Variants in NOX4 observed in about 807,000 individuals in gnomAD.
NOX4 encodes the protein kidney oxidase-1.
Under a neutral mutation model 87.6 loss-of-function variants are expected in NOX4, and 69 were observed. The observed-to-expected ratio is 0.79, with a 90% CI of 0.65 to 0.96. NOX4 has a LOEUF of 0.96. Among genes scored for constraint, NOX4 ranks in the 40% least tolerant of loss-of-function variants. The probability of loss-of-function intolerance (pLI) is 0.00; values close to 1 mark genes in which losing one functional copy is unlikely to be tolerated. For missense variants in NOX4, 680 were observed against 681.5 expected, an observed-to-expected ratio of 1.00 and a Z score of 0.02; for synonymous variants, 275 against 238.2, an observed-to-expected ratio of 1.15 and a Z score of -1.42.
intron 4 of NOX4, among the ~76,000 whole-genome samples, chr11:89,445,062 T>C (rs1362353610): frequency 6.6e-6 from 1 of 152,166 alleles, no homozygotes; most frequent in Non-Finnish European, 1.5e-5. Context: ...CACATTTTAA[T>C]GTATTGAAAA....
the NOX4 span, among the ~76,000 whole-genome samples, chr11:89,528,631 T>C: frequency 6.6e-6 from 1 of 152,196 alleles, no homozygotes; most frequent in Non-Finnish European, 1.5e-5. Context: ...CAGCACTTCT[T>C]CTTGCTGCCT....
chr11:89,351,346 A>G (rs1160167817), intron 13 of NOX4, among the ~76,000 whole-genome samples: 3 of 152,260 alleles, frequency 2.0e-5, no homozygotes, highest in Non-Finnish European at 2.9e-5. Flanking sequence ...AGCCATCTCT[A>G]TAATATAAAA....
Position 89,469,221 on chromosome 11 carries a change from G to T in NOX4, c.154-17326C>A, listed in dbSNP as rs541004318. Reference sequence around the variant, plus strand: ...TCAACAAATTAAGGGAACATAAGATGATATTCTACATGTAAATATGTACAC... The same window carrying T: ...TCAACAAATTAAGGGAACATAAGATTATATTCTACATGTAAATATGTACAC... On this transcript the variant is annotated intron_variant, in intron 2 of 17. Coordinates refer to ENST00000263317, the MANE Select transcript of NOX4 (RefSeq NM_016931.5). 2.0e-5 allele frequency among the ~76,000 whole-genome samples: 3 copies of T among 152,190 alleles called. No individual in the cohort carries two copies. The South Asian group carries it at 6.2e-4, about 32-fold the overall frequency.
At chr11:89,578,778 A>G in the NOX4 span, among the ~76,000 whole-genome samples, 1 of 152,238 alleles carries the variant, frequency 6.6e-6, no homozygotes, top group Non-Finnish European at 1.5e-5. Flanking sequence ...GGTACAATCT[A>G]GCAATTGTAT....
intron 2 of NOX4, among the ~76,000 whole-genome samples, chr11:89,454,538 T>G (rs939675470): frequency 1.3e-5 from 2 of 152,158 alleles, no homozygotes; most frequent in Non-Finnish European, 2.9e-5. Context: ...CCAACTGTAC[T>G]GTTTACAAGT....
intron 2 of NOX4, among the ~76,000 whole-genome samples, chr11:89,461,647 A>AAAATAAATAAATAAATTAAT (rs1555041614): frequency 2.1e-5 from 3 of 145,634 alleles, no homozygotes; most frequent in African/African-American, 7.7e-5. Context: ...TCCATCTCAA[A>AAAATAAATAAATAAATTAAT]AAATAAATAA....
chr11:89,514,245 GT>G, the NOX4 span, among the ~76,000 whole-genome samples: 2 of 151,780 alleles, frequency 1.3e-5, no homozygotes, highest in Non-Finnish European at 2.9e-5. Flanking sequence ...TTCTAAAGTA[GT>G]TTTTTCTTTT....
chr11:89,504,844 A>G, the NOX4 span, among the ~76,000 whole-genome samples: 1 of 151,936 alleles, frequency 6.6e-6, no homozygotes, highest in Non-Finnish European at 1.5e-5. Flanking sequence ...GATCTTCTTG[A>G]TACTGTGCCA....
chr11:89,340,775 T>C (rs1166425375), intron 14 of NOX4, among the ~76,000 whole-genome samples: 1 of 152,144 alleles, frequency 6.6e-6, no homozygotes, highest in East Asian at 1.9e-4. Flanking sequence ...GTTAAGAAAA[T>C]TTTCTTCCTT....
Position 89,325,902 on chromosome 11 carries a change from T to C in NOX4, c.*854A>G, listed in dbSNP as rs944974472. The C allele has an allele frequency of 1.5e-5, 2 of 136,328 alleles. No homozygotes were observed. The highest frequency in any genetic ancestry group is 7.3e-5 in the Admixed American group (1 of 13,762). 8.4% of individuals were successfully genotyped at this position (136,328 alleles called of 1,614,324 possible). A position where few individuals can be genotyped will look rare whatever the true frequency, so the allele number is the denominator to read the frequency against. On this transcript the variant is annotated 3_prime_UTR_variant, in exon 18 of 18. Coordinates refer to ENST00000263317, the MANE Select transcript of NOX4 (RefSeq NM_016931.5). ...GTATATGTGTATATATATATATATA[T>C]ATATATATGTGTGTGTGTGTGTATA... is the stretch of plus-strand genomic sequence containing the variant.
chr11:89,552,545 A>C, the NOX4 span, among the ~76,000 whole-genome samples: 1 of 152,286 alleles, frequency 6.6e-6, no homozygotes, highest in Non-Finnish European at 1.5e-5. Context: ...CCCCTAGGTA[A>C]GTTACCATCT....
rs1295907032 is a variant in NOX4 at position 89,326,238 on chromosome 11, C to T, written c.*518G>A. The stretch of plus-strand genomic sequence containing the variant: ...CGATTAGATATTGACACAAAGTACC[C>T]GTATCAATACAGAGTCTTGTGCTGT... On this transcript the variant is annotated 3_prime_UTR_variant, in exon 18 of 18. Transcript: ENST00000263317. 2.0e-5 allele frequency: 3 copies of T among 151,996 alleles called. No homozygotes were observed. The highest frequency in any genetic ancestry group is 2.9e-5 in the Non-Finnish European group (2 of 67,990). The allele number at this position is 151,996 out of a possible 1,614,324, so 9.4% of individuals were successfully genotyped here.
At chr11:89,452,851 A>G (rs1365058342) in intron 2 of NOX4, among the ~76,000 whole-genome samples, 1 of 151,920 alleles carries the variant, frequency 6.6e-6, no homozygotes, top group Admixed American at 6.6e-5. Flanking sequence ...AGTAGCTAGG[A>G]CTACAGATGC....
the NOX4 span, among the ~76,000 whole-genome samples, chr11:89,573,877 C>T: frequency 1.2e-4 from 18 of 152,166 alleles, no homozygotes; most frequent in East Asian, 1.2e-3. Flanking sequence ...GCCCTCTTTA[C>T]GCTTGGGAAG....
At chr11:89,513,111 A>C in the NOX4 span, among the ~76,000 whole-genome samples, 3 of 152,072 alleles carry the variant, frequency 2.0e-5, no homozygotes, top group Admixed American at 6.6e-5. Flanking sequence ...ACCAGAAGTC[A>C]GGAGTTCCAG....
At chr11:89,385,683 A>G (rs2135113441) in intron 11 of NOX4, among the ~76,000 whole-genome samples, 1 of 152,070 alleles carries the variant, frequency 6.6e-6, no homozygotes, top group African/African-American at 2.4e-5. Context: ...CTCCTCAGGG[A>G]TTTTTCAGGC....
the NOX4 span, among the ~76,000 whole-genome samples, chr11:89,553,318 A>G: frequency 6.6e-6 from 1 of 152,106 alleles, no homozygotes; most frequent in Non-Finnish European, 1.5e-5. Context: ...GATTTCTCAC[A>G]GGATCTGGTT....
chr11:89,360,502 A>C (rs1938437874), intron 12 of NOX4, among the ~76,000 whole-genome samples: 1 of 152,122 alleles, frequency 6.6e-6, no homozygotes, highest in Admixed American at 6.6e-5. Flanking sequence ...GCAGAAAAGA[A>C]ATTCTCTTGG....
chr11:89,381,926 T>G (rs1343536779), intron 11 of NOX4, among the ~76,000 whole-genome samples: 1 of 152,134 alleles, frequency 6.6e-6, no homozygotes, highest in African/African-American at 2.4e-5. Context: ...TTAATTTCTG[T>G]TCCTTTCCTT....
Sources: gnomAD v4.1 joint callset for allele counts (sites outside exome capture counted in the v4.1 genomes callset) on GRCh38, gnomAD v4.1.1 for gene constraint, MANE v1.5 for transcripts, NCBI Gene and HGNC (gene_info 2026-07-23, HGNC 2026-07-21) for gene names.